Variants in CBFA2T3 observed in about 807,000 individuals in gnomAD.
The protein encoded by CBFA2T3 is transcriptional corepressor CBFA2T3.
A neutral mutation model predicts 58.6 loss-of-function variants in CBFA2T3; 31 were observed. The ratio of observed to expected loss-of-function variants is 0.53; its 90% CI spans 0.40 to 0.71. The LOEUF is 0.71. Ranked by LOEUF, CBFA2T3 falls within the 30% of genes least tolerant of loss-of-function variation. The pLI is 0.00. For synonymous variants in CBFA2T3, 531 were observed against 421.9 expected (o/e 1.26, Z -3.17); for missense variants, 1,076 against 963.1 (o/e 1.12, Z -1.55).
intron 3 of CBFA2T3, among the ~76,000 whole-genome samples, chr16:88,894,544 A>G (rs1159470675): frequency 7.6e-6 from 1 of 131,930 alleles, no homozygotes; most frequent in South Asian, 2.4e-4. Flanking sequence ...CATGCACACA[A>G]TGTACACACA....
chr16:88,945,576 C>T (rs553261189), intron 1 of CBFA2T3, among the ~76,000 whole-genome samples: 2 of 152,294 alleles, frequency 1.3e-5, no homozygotes, highest in African/African-American at 4.8e-5. Flanking sequence ...AAACGATGCC[C>T]AGCAGCCTTG....
At chr16:88,932,688 C>T (rs534120379) in intron 1 of CBFA2T3, among the ~76,000 whole-genome samples, 1 of 149,514 alleles carries the variant, frequency 6.7e-6, no homozygotes, top group African/African-American at 2.5e-5. Context: ...TGGTTCACGC[C>T]TGTCATCCCA....
chr16:88,962,856 G>A (rs937988053), intron 1 of CBFA2T3, among the ~76,000 whole-genome samples: 6 of 152,308 alleles, frequency 3.9e-5, no homozygotes, highest in Admixed American at 2.0e-4. Flanking sequence ...TCTGAGCACC[G>A]ACATGAATTC....
intron 1 of CBFA2T3, among the ~76,000 whole-genome samples, chr16:88,936,384 A>T (rs1567620298): frequency 6.6e-6 from 1 of 150,898 alleles, no homozygotes; most frequent in Non-Finnish European, 1.5e-5. Flanking sequence ...GTCCACCATG[A>T]CCCCAGCCTC....
At chr16:88,882,794 AC>A in intron 7 of CBFA2T3, 33 bp from the exon 8 acceptor site, 1 of 1,388,866 alleles carries the variant, frequency 7.2e-7, no homozygotes, top group Non-Finnish European at 1.0e-6. Context: ...CTTAGGTCCC[AC>A]CCACAGCCAG....
At chr16:88,916,989 G>A (rs943550224) in intron 1 of CBFA2T3, among the ~76,000 whole-genome samples, 1 of 151,070 alleles carries the variant, frequency 6.6e-6, no homozygotes, top group Admixed American at 6.6e-5. Flanking sequence ...CAGGAGATTC[G>A]CTTGAACCAG....
intron 3 of CBFA2T3, 24 bp downstream of exon 3, chr16:88,898,054 T>C (rs1256107449): frequency 6.3e-7 from 1 of 1,580,194 alleles, no homozygotes; most frequent in Admixed American, 1.7e-5. Flanking sequence ...TGGGGAGGCC[T>C]GCGGTTTTTG....
chr16:88,914,315 T>TCGGAAAACGTTTGTCAGG (rs1252015673), intron 1 of CBFA2T3, among the ~76,000 whole-genome samples: 3 of 152,086 alleles, frequency 2.0e-5, no homozygotes, highest in African/African-American at 7.2e-5. Context: ...TGGGGACAGG[T>TCGGAAAACGTTTGTCAGG]CGGAAAACGT....
chr16:88,929,890 T>C (rs1163982606), intron 1 of CBFA2T3, among the ~76,000 whole-genome samples: 414 of 73,142 alleles, frequency 5.7e-3, no homozygotes, highest in African/African-American at 9.4e-3. Flanking sequence ...CACGCAAAAG[T>C]CACCAATACC....
chr16:88,928,829 C>T (rs998032276), intron 1 of CBFA2T3, among the ~76,000 whole-genome samples: 2 of 152,242 alleles, frequency 1.3e-5, no homozygotes, highest in African/African-American at 4.8e-5. Context: ...AAGGTGCCAT[C>T]TGAGCAAGGC....
At chr16:88,904,937 G>T (rs1970247079) in intron 1 of CBFA2T3, among the ~76,000 whole-genome samples, 1 of 152,186 alleles carries the variant, frequency 6.6e-6, no homozygotes, top group South Asian at 2.1e-4. Flanking sequence ...CCAGGCCAAG[G>T]CTCATGGAGC....
At chr16:88,974,484 G>T (rs1972742195) in intron 1 of CBFA2T3, among the ~76,000 whole-genome samples, 1 of 152,008 alleles carries the variant, frequency 6.6e-6, no homozygotes, top group Non-Finnish European at 1.5e-5. Flanking sequence ...GGAGACGAGG[G>T]GCTGAGGTCC....
chr16:88,923,687 G>A (rs538583211), intron 1 of CBFA2T3, among the ~76,000 whole-genome samples: 2 of 152,336 alleles, frequency 1.3e-5, no homozygotes, highest in Middle Eastern at 3.4e-3. Context: ...TCCGCAACCC[G>A]GCTCACACAT....
At position 88,922,401 on chromosome 16, in the gene CBFA2T3, C is replaced by T. The variant is rs142393330; in HGVS notation, c.152-20745G>A. Reference sequence around the variant, plus strand: ...GCAGGATTGAGGGGGCCGAGGGCTTCGGTGCACTCACCATGTCTGCCCCGG... The same window carrying T: ...GCAGGATTGAGGGGGCCGAGGGCTTTGGTGCACTCACCATGTCTGCCCCGG... On this transcript the variant is annotated intron_variant, in intron 1 of 11. Coordinates refer to ENST00000268679, the MANE Select transcript of CBFA2T3 (RefSeq NM_005187.6). Among the ~76,000 whole-genome samples, 151 of 152,362 alleles carry T rather than the reference C, an allele frequency of 9.9e-4. 1 individual carries two copies. In the Middle Eastern group the frequency reaches 0.017, roughly 17 times the overall value.
chr16:88,964,094 C>G (rs1196244156), intron 1 of CBFA2T3, among the ~76,000 whole-genome samples: 1 of 152,246 alleles, frequency 6.6e-6, no homozygotes. Flanking sequence ...AGACCATCTG[C>G]ATACCTGGGC....
At chr16:88,941,580 A>G (rs117991761) in intron 1 of CBFA2T3, among the ~76,000 whole-genome samples, 61,007 of 146,676 alleles carry the variant, frequency 0.42, 13,243 homozygotes, top group Middle Eastern at 0.58. Flanking sequence ...CGCCGGGAGC[A>G]GGGAGAGGGG....
intron 9 of CBFA2T3, chr16:88,881,052 C>G (rs189935846): frequency 1.4e-6 from 1 of 704,886 alleles, no homozygotes; most frequent in Non-Finnish European, 2.6e-6. Flanking sequence ...GTCGCTGAGG[C>G]GGAGAAGCAG....
chr16:88,879,553 G>A lies in CBFA2T3; in HGVS notation c.1472-93C>T, dbSNP rs2272441. Reference sequence around the variant, plus strand: ...GCGTGGCCACAACCTGGGGACAGGGGCTGTGTGCAGCTGAACACACGTACC... The same window carrying A: ...GCGTGGCCACAACCTGGGGACAGGGACTGTGTGCAGCTGAACACACGTACC... On this transcript the variant is annotated intron_variant, in intron 10 of 11. Coordinates refer to ENST00000268679, the MANE Select transcript of CBFA2T3 (RefSeq NM_005187.6). 3,826 of 1,108,332 alleles carry A rather than the reference G, an allele frequency of 3.5e-3. 168 individuals carry two copies. The East Asian group carries it at 0.08, about 23-fold the overall frequency. The allele number at this position is 1,108,332 out of a possible 1,614,324, so 68.7% of individuals were successfully genotyped here.
chr16:88,933,044 T>C (rs906333794), intron 1 of CBFA2T3, among the ~76,000 whole-genome samples: 1 of 152,302 alleles, frequency 6.6e-6, no homozygotes, highest in South Asian at 2.1e-4. Context: ...GGTGACGGCA[T>C]GGAGCCAGGA....
Sources: allele counts gnomAD v4.1 joint callset (sites outside exome capture counted in the v4.1 genomes callset), GRCh38; gene constraint gnomAD v4.1.1; transcripts MANE v1.5; gene names NCBI Gene and HGNC (gene_info 2026-07-23, HGNC 2026-07-21).